LRP1B: variants seen among roughly 807,000 people sequenced by gnomAD.
LRP1B encodes the protein LDL receptor related protein 1B, also known as low-density lipoprotein receptor-related protein 1B.
Under a neutral mutation model 556.6 loss-of-function variants are expected in LRP1B, and 217 were observed. The observed-to-expected ratio is 0.39, with a 90% CI of 0.35 to 0.44. The LOEUF is 0.44. Ranked by LOEUF, LRP1B falls within the 20% of genes least tolerant of loss-of-function variation. The probability of loss-of-function intolerance (pLI) is 1.00; values close to 1 mark genes in which losing one functional copy is unlikely to be tolerated. For missense variants in LRP1B, 5,053 were observed against 5,620.8 expected (o/e 0.90, Z 3.23); for synonymous variants, 2,047 against 1,865.8 (o/e 1.10, Z -2.50).
chr2:141,118,356 T>C (rs1007241163), intron 7 of LRP1B, among the ~76,000 whole-genome samples: 10 of 152,040 alleles, frequency 6.6e-5, no homozygotes, highest in Admixed American at 1.3e-4. Context: ...AAAAAAATTA[T>C]AGTTTATTTC....
rs2105373919 is a variant in LRP1B, at chr2:141,005,429, C to A, written c.2409G>T (p.Gly803=). ...TAGCCAAGCAAAGTGTACTACAGCC[C>A]CCATTATTTACTCGGCACATATTGT... ...QGDNMCRVNN[G]GCSTLCLAIP... is the part of the protein sequence containing the mutation. The change falls in exon 15 of 91, where the codon GGG becomes GGT. Residue 803 remains glycine (G), a synonymous_variant. Coordinates refer to ENST00000389484, the MANE Select transcript of LRP1B (RefSeq NM_018557.3). The A allele has an allele frequency of 6.2e-7, 1 of 1,611,166 alleles. No homozygotes were observed. The highest frequency in any genetic ancestry group is 2.2e-5 in the East Asian group (1 of 44,720).
chr2:140,577,797 C>T (rs532314463), intron 43 of LRP1B, among the ~76,000 whole-genome samples: 1 of 152,006 alleles, frequency 6.6e-6, no homozygotes, highest in African/African-American at 2.4e-5. Flanking sequence ...AAATTTTGAT[C>T]AAAATCAGTT....
chr2:141,411,559 G>A (rs1368433091), intron 3 of LRP1B, among the ~76,000 whole-genome samples: 1 of 152,034 alleles, frequency 6.6e-6, no homozygotes, highest in Non-Finnish European at 1.5e-5. Flanking sequence ...GACTTGCTTG[G>A]ATAGATGAAA....
chr2:141,095,491 A>AT (rs35611430), intron 7 of LRP1B, among the ~76,000 whole-genome samples: 15 of 148,370 alleles, frequency 1.0e-4, no homozygotes, highest in African/African-American at 2.2e-4. Flanking sequence ...CTAGAATTTA[A>AT]TTTTTTTTTT....
intron 1 of LRP1B, among the ~76,000 whole-genome samples, chr2:141,942,342 T>C (rs1410912581): frequency 6.6e-6 from 1 of 152,112 alleles, no homozygotes; most frequent in Non-Finnish European, 1.5e-5. Flanking sequence ...AGTAGCAGTT[T>C]GAAGCCAACC....
intron 43 of LRP1B, among the ~76,000 whole-genome samples, chr2:140,554,529 C>T (rs953103172): frequency 2.6e-5 from 4 of 151,966 alleles, no homozygotes; most frequent in African/African-American, 9.7e-5. Flanking sequence ...CAGTGTTTTT[C>T]TTTGGGAATC....
At chr2:140,557,279 C>CA (rs1233119366) in intron 43 of LRP1B, among the ~76,000 whole-genome samples, 6 of 152,126 alleles carry the variant, frequency 3.9e-5, no homozygotes, top group Admixed American at 1.3e-4. Flanking sequence ...TTTAGACTTG[C>CA]AAAAAATTTT....
intron 3 of LRP1B, among the ~76,000 whole-genome samples, chr2:141,448,226 C>A (rs951626904): frequency 6.6e-6 from 1 of 152,144 alleles, no homozygotes; most frequent in Non-Finnish European, 1.5e-5. Flanking sequence ...GAGGGGAAAA[C>A]CATCTACTCA....
At chr2:141,233,266 G>C (rs116273915) in intron 5 of LRP1B, among the ~76,000 whole-genome samples, 1,837 of 152,268 alleles carry the variant, frequency 0.012, 43 homozygotes, top group African/African-American at 0.04. Context: ...TTTTAACTTA[G>C]AGAACCAAGA....
intron 66 of LRP1B, among the ~76,000 whole-genome samples, chr2:140,399,648 T>C (rs1198736708): frequency 6.6e-6 from 1 of 152,214 alleles, no homozygotes; most frequent in Non-Finnish European, 1.5e-5. Flanking sequence ...TTAAAGTATC[T>C]ATTGTCAAAT....
At chr2:141,097,519 A>G (rs1700351881) in intron 7 of LRP1B, among the ~76,000 whole-genome samples, 2 of 152,162 alleles carry the variant, frequency 1.3e-5, no homozygotes, top group South Asian at 4.1e-4. Context: ...AAGAAAACAA[A>G]ACTAAATTTA....
chr2:141,882,848 T>TCAAAGTGC (rs1698997300), intron 1 of LRP1B, among the ~76,000 whole-genome samples: 1 of 152,122 alleles, frequency 6.6e-6, no homozygotes, highest in Non-Finnish European at 1.5e-5. Context: ...GCAGGGGTTA[T>TCAAAGTGC]AGGCACACAT....
intron 6 of LRP1B, among the ~76,000 whole-genome samples, chr2:141,210,471 A>G (rs1235255891): frequency 6.6e-6 from 1 of 152,162 alleles, no homozygotes. Context: ...AAAATCTATT[A>G]TCAGAAACAT....
chr2:141,353,856 T>C (rs1027711889), intron 3 of LRP1B, among the ~76,000 whole-genome samples: 6 of 151,990 alleles, frequency 3.9e-5, no homozygotes, highest in South Asian at 4.1e-4. Context: ...ATCCTAAACA[T>C]TGAGAATTCT....
chr2:141,273,691 T>C (rs919736840), intron 3 of LRP1B, among the ~76,000 whole-genome samples: 2 of 152,164 alleles, frequency 1.3e-5, no homozygotes, highest in Non-Finnish European at 2.9e-5. Context: ...TTTGGTATGA[T>C]ATAAAATGCA....
chr2:140,858,501 GGA>G (rs35791983), intron 27 of LRP1B, among the ~76,000 whole-genome samples: 4,327 of 139,906 alleles, frequency 0.031, 212 homozygotes, highest in African/African-American at 0.1. Flanking sequence ...TTATATATAT[GGA>G]GAGAGAGAGA....
At chr2:140,445,904 T>C (rs2105307095) in intron 63 of LRP1B, among the ~76,000 whole-genome samples, 1 of 152,298 alleles carries the variant, frequency 6.6e-6, no homozygotes, top group Admixed American at 6.5e-5. Context: ...TAATATTATC[T>C]TTATTAGCTC....
chr2:141,668,894 G>C (rs1351289754), intron 2 of LRP1B, among the ~76,000 whole-genome samples: 1 of 152,082 alleles, frequency 6.6e-6, no homozygotes, highest in East Asian at 1.9e-4. Context: ...TCCTACACCT[G>C]CCCGTCTGCA....
chr2:140,743,437 A>AAAATCCAAATC (rs1363132297), intron 35 of LRP1B, among the ~76,000 whole-genome samples: 2 of 152,218 alleles, frequency 1.3e-5, no homozygotes, highest in African/African-American at 4.8e-5. Flanking sequence ...GCATGCATTC[A>AAAATCCAAATC]AAATCCAAAT....
Sources: gnomAD v4.1 joint callset for allele counts (sites outside exome capture counted in the v4.1 genomes callset) on GRCh38, gnomAD v4.1.1 for gene constraint, MANE v1.5 for transcripts, NCBI Gene and HGNC (gene_info 2026-07-23, HGNC 2026-07-21) for gene names.